The following ACADM variants were observed in gnomAD, a reference collection of about 807,000 sequenced individuals.
The protein encoded by ACADM is acyl-CoA dehydrogenase medium chain.
In ACADM, 49 loss-of-function variants were observed where a neutral mutation model predicts 58.9. The ratio of observed to expected loss-of-function variants is 0.83; its 90% CI spans 0.66 to 1.06. The LOEUF (loss-of-function observed/expected upper bound fraction) is 1.06. ACADM is among the 50% of genes least tolerant of loss of function. The pLI is 0.00. For synonymous variants in ACADM, 160 were observed against 157.7 expected, an observed-to-expected ratio of 1.01 and a Z score of -0.11; for missense variants, 496 against 507.0, an observed-to-expected ratio of 0.98 and a Z score of 0.21.
intron 2 of ACADM, 93 bp downstream of exon 2, chr1:75,728,581 T>C: frequency 1.1e-6 from 1 of 915,328 alleles, no homozygotes. Flanking sequence ...AACTTAATAA[T>C]GTCTTTCAAT....
rs1214378876 is a variant in ACADM, at chr1:75,734,814, A to C, written c.411A>C (p.Gly137=). 6.2e-7 allele frequency: 1 copy of C among 1,613,684 alleles called. No homozygotes were observed. Among genetic ancestry groups the C allele is most frequent in the Non-Finnish European group, 8.5e-7 (1 of 1,179,814 alleles). Residue 137 remains glycine (G), a synonymous_variant, in exon 6 of 12, where the codon GGA becomes GGC. Coordinates refer to ENST00000370841, the MANE Select transcript of ACADM (RefSeq NM_000016.6). ...AGCAAATGCCTATTATTATTGCTGG[A>C]AATGATCAACAAAAGAAGAAGTATT... ...SLGQMPIIIA[G]NDQQKKKYLG...
intron 6 of ACADM, among the ~76,000 whole-genome samples, chr1:75,736,695 G>C (rs1023078370): frequency 6.6e-6 from 1 of 152,090 alleles, no homozygotes; most frequent in African/African-American, 2.4e-5. Flanking sequence ...TCCAAAATTC[G>C]TGGATGCCAA....
At chr1:75,736,335 T>C (rs1047930511) in intron 6 of ACADM, among the ~76,000 whole-genome samples, 1 of 152,216 alleles carries the variant, frequency 6.6e-6, no homozygotes, top group Non-Finnish European at 1.5e-5. Context: ...TGATGAGAAT[T>C]CATCTTAAAG....
rs542161308 is a variant in ACADM at position 75,728,285 on chromosome 1, T to C, written c.31-116T>C. The C allele has an allele frequency of 2.9e-4, 213 of 730,524 alleles. 1 individual carries two copies. In the African/African-American group the frequency reaches 3.2e-3, roughly 11 times the overall value. 45.3% of individuals were successfully genotyped at this position (730,524 alleles called of 1,614,324 possible). ...GAAGGCATTTAAATAGTGATGACTT[T>C]AAAAACTATGAGTATGGTCAAACCA... On this transcript the variant is annotated intron_variant, in intron 1 of 11. Coordinates refer to ENST00000370841, the MANE Select transcript of ACADM (RefSeq NM_000016.6).
intron 10 of ACADM, among the ~76,000 whole-genome samples, chr1:75,757,692 A>C (rs1326992864): frequency 2.0e-5 from 3 of 152,196 alleles, no homozygotes; most frequent in Non-Finnish European, 2.9e-5. Context: ...TTGACCCAGC[A>C]ATCCCATTGC....
At chr1:75,738,015 C>A (rs770399999) in intron 6 of ACADM, among the ~76,000 whole-genome samples, 1 of 151,998 alleles carries the variant, frequency 6.6e-6, no homozygotes, top group Non-Finnish European at 1.5e-5. Context: ...CTCCCAGGTT[C>A]AAGCGATTCT....
chr1:75,732,585 T>G (rs1159450767), intron 2 of ACADM, 59 bp from the exon 3 acceptor site: 2 of 1,313,304 alleles, frequency 1.5e-6, no homozygotes, highest in South Asian at 2.4e-5. Context: ...ACATACTGAC[T>G]TCATAGGACA....
At chr1:75,745,717 T>G in intron 7 of ACADM, 89 bp from the exon 8 acceptor site, 2 of 994,246 alleles carry the variant, frequency 2.0e-6, no homozygotes, top group Admixed American at 1.7e-5. Flanking sequence ...TAATAATAAT[T>G]GGGATTGTTA....
At chr1:75,739,841 A>AT (rs1557450333) in intron 6 of ACADM, 139 bp from the exon 7 acceptor site, 1 of 631,452 alleles carries the variant, frequency 1.6e-6, no homozygotes, top group South Asian at 2.6e-5. Context: ...GGTTTCTTTG[A>AT]TTTTGTAAGA....
At chr1:75,746,767 T>A (rs114321273) in intron 8 of ACADM, among the ~76,000 whole-genome samples, 40,491 of 151,616 alleles carry the variant, frequency 0.27, 5,637 homozygotes, top group Middle Eastern at 0.36. Context: ...CCTGGCTAAT[T>A]TTTGTATTTT....
chr1:75,756,825 G>A (rs868330840), intron 10 of ACADM, among the ~76,000 whole-genome samples: 11 of 152,190 alleles, frequency 7.2e-5, no homozygotes, highest in Admixed American at 1.3e-4. Context: ...CAAGGCTACA[G>A]TAACCAAAAC....
At chr1:75,737,794 A>AT (rs200529519) in intron 6 of ACADM, among the ~76,000 whole-genome samples, 36,634 of 149,066 alleles carry the variant, frequency 0.25, 4,732 homozygotes, top group Non-Finnish European at 0.31. Flanking sequence ...AGAACCTGTC[A>AT]TTTTTTTTTT....
intron 2 of ACADM, among the ~76,000 whole-genome samples, chr1:75,729,110 ATAGT>A (rs1175993912): frequency 6.6e-6 from 1 of 152,056 alleles, no homozygotes; most frequent in African/African-American, 2.4e-5. Flanking sequence ...GTCTCAGAAA[ATAGT>A]TAAAGGCAGC....
chr1:75,756,478 A>C (rs892391182), intron 10 of ACADM, among the ~76,000 whole-genome samples: 2 of 152,186 alleles, frequency 1.3e-5, no homozygotes, highest in Non-Finnish European at 2.9e-5. Context: ...CAAAGAGAAT[A>C]AAATACCTAG....
At chr1:75,731,000 G>A (rs1647138527) in intron 2 of ACADM, among the ~76,000 whole-genome samples, 1 of 152,038 alleles carries the variant, frequency 6.6e-6, no homozygotes, top group South Asian at 2.1e-4. Context: ...TAAAAAGAGA[G>A]ATTTGGCTGG....
rs75206453 is a variant in ACADM at position 75,762,305 on chromosome 1, A to C, written c.1195-387A>C. Among the ~76,000 whole-genome samples, 1,500 of 152,090 alleles carry C rather than the reference A, an allele frequency of 9.9e-3. 13 individuals are homozygous for C. The highest frequency in any genetic ancestry group is 0.016 in the Non-Finnish European group (1,057 of 67,976). ...TTCCACAGGCAGTGGGAGAAAAAAA[A>C]AAAATTAAGGGTAAGAATAAAAGAC... On this transcript the variant is annotated intron_variant, in intron 11 of 11. Coordinates refer to ENST00000370841, the MANE Select transcript of ACADM (RefSeq NM_000016.6).
intron 2 of ACADM, among the ~76,000 whole-genome samples, chr1:75,730,528 T>A (rs1647130857): frequency 6.7e-6 from 1 of 150,306 alleles, no homozygotes; most frequent in African/African-American, 2.4e-5. Context: ...ACATAATACA[T>A]ACTTGTCATT....
At chr1:75,738,483 A>T (rs1570873825) in intron 6 of ACADM, among the ~76,000 whole-genome samples, 1 of 151,964 alleles carries the variant, frequency 6.6e-6, no homozygotes, top group Non-Finnish European at 1.5e-5. Flanking sequence ...CGGCCTCCCA[A>T]AGTGCTGGGA....
At chr1:75,748,669 A>G (rs1017590390) in intron 8 of ACADM, among the ~76,000 whole-genome samples, 5 of 152,214 alleles carry the variant, frequency 3.3e-5, no homozygotes, top group African/African-American at 9.6e-5. Context: ...GGAAAAGGAA[A>G]GACTACGCGG....
Sources: allele counts gnomAD v4.1 joint callset (sites outside exome capture counted in the v4.1 genomes callset), GRCh38; gene constraint gnomAD v4.1.1; transcripts MANE v1.5; gene names NCBI Gene and HGNC (gene_info 2026-07-23, HGNC 2026-07-21).